Variants in IKBIP observed in about 807,000 individuals in gnomAD.
IKBIP encodes the protein inhibitor of nuclear factor kappa-B kinase-interacting protein.
A neutral mutation model predicts 31.0 loss-of-function variants in IKBIP; 28 were observed. That is an observed-to-expected ratio of 0.90 (90% CI 0.67 to 1.24). The LOEUF (loss-of-function observed/expected upper bound fraction) is 1.24. IKBIP is among the 50% of genes most tolerant of loss of function. IKBIP has a pLI of 0.00. For synonymous variants in IKBIP, 164 were observed against 160.3 expected (o/e 1.02, Z -0.17); for missense variants, 453 against 441.9 (o/e 1.03, Z -0.23).
In IKBIP at chr12:98,635,765, T is replaced by C. The variant is rs539501202; in HGVS notation, c.180-1352A>G. Among the ~76,000 whole-genome samples, 7 of 152,264 alleles carry C rather than the reference T, an allele frequency of 4.6e-5. No individual in the cohort carries two copies. In the East Asian group the frequency reaches 1.4e-3, roughly 29 times the overall value. On this transcript the variant is annotated intron_variant, in intron 1 of 2. Coordinates refer to ENST00000299157, the MANE Select transcript of IKBIP (RefSeq NM_153687.4). Reference sequence around the variant, plus strand: ...AGTAGAAGAGAGAAGTGATAGTAATTAGAAGTTGCAAAATAGCAGGAGGTG... The same window carrying C: ...AGTAGAAGAGAGAAGTGATAGTAATCAGAAGTTGCAAAATAGCAGGAGGTG...
chr12:98,637,413 CTTTT>C (rs1161417356), intron 1 of IKBIP, among the ~76,000 whole-genome samples: 2 of 150,342 alleles, frequency 1.3e-5, no homozygotes, highest in African/African-American at 4.8e-5. Flanking sequence ...ATTTTTCTTT[CTTTT>C]TGTTTTTTTT....
At position 98,618,531 on chromosome 12, in the gene IKBIP, T is replaced by C. The variant is rs926127573; in HGVS notation, c.298-4191A>G. Among the ~76,000 whole-genome samples, 10 of 150,616 alleles carry C rather than the reference T, an allele frequency of 6.6e-5. No homozygotes were observed. The East Asian group carries it at 7.9e-4, about 12-fold the overall frequency. On this transcript the variant is annotated intron_variant, in intron 2 of 2. Transcript: ENST00000342502. ...GTCCCAGCTACTCAGGAGGCTGAAG[T>C]AGGAGAATGGCGTGAACCCGGGAGG...
chr12:98,622,072 CT>C (rs1282148500), downstream of IKBIP, among the ~76,000 whole-genome samples: 1 of 109,514 alleles, frequency 9.1e-6, no homozygotes, highest in African/African-American at 4.2e-5. Flanking sequence ...GAGACTCCAT[CT>C]TAAAAAAAAA....
downstream of IKBIP, chr12:98,624,129 A>T (rs2097612182): frequency 3.6e-6 from 1 of 276,406 alleles, no homozygotes; most frequent in Non-Finnish European, 5.5e-6. Context: ...ATATAAGTTC[A>T]TAATAACCTC....
chr12:98,628,412 G>A (rs1056502382), intron 2 of IKBIP, among the ~76,000 whole-genome samples: 8 of 152,168 alleles, frequency 5.3e-5, no homozygotes, highest in Non-Finnish European at 1.0e-4. Context: ...CAAAACCTTT[G>A]ATGTTTCCTA....
chr12:98,637,908 T>TA (rs1247283527), intron 1 of IKBIP, among the ~76,000 whole-genome samples: 2 of 152,230 alleles, frequency 1.3e-5, no homozygotes, highest in Non-Finnish European at 2.9e-5. Flanking sequence ...TCTGAAAAAC[T>TA]AAGCTTTCAA....
downstream of IKBIP, among the ~76,000 whole-genome samples, chr12:98,619,875 A>G (rs1268366046): frequency 1.2e-5 from 1 of 80,286 alleles, no homozygotes; most frequent in African/African-American, 3.8e-5. Flanking sequence ...CTTTCTCAGA[A>G]AAAAAAAAAA....
chr12:98,619,848 G>C (rs1399752677), downstream of IKBIP, among the ~76,000 whole-genome samples: 1 of 146,176 alleles, frequency 6.8e-6, no homozygotes, highest in African/African-American at 2.5e-5. Context: ...CTCCAGTCTG[G>C]GCGACAGAAC....
chr12:98,624,800 T>TTTAA lies in IKBIP; in HGVS notation c.*1129_*1130insTTAA. 1 of 845,266 alleles carries TTTAA rather than the reference T, an allele frequency of 1.2e-6. No homozygotes were observed. 52.4% of individuals were successfully genotyped at this position (845,266 alleles called of 1,614,324 possible). ...CCCTCAAAACAGGCCACAGGCTTAT[T>TTTAA]TTTATTTATTTATTTATTTATTGAG... On this transcript the variant is annotated 3_prime_UTR_variant, in exon 3 of 3. Transcript: ENST00000299157.
At chr12:98,619,408 C>T (rs780792552), downstream of IKBIP, among the ~76,000 whole-genome samples, 6 of 152,196 alleles carry the variant, frequency 3.9e-5, no homozygotes, top group Non-Finnish European at 7.3e-5. Flanking sequence ...TAGGAAGAAG[C>T]TGTTAGTAAA....
chr12:98,627,259 G>A (rs1172949330), intron 2 of IKBIP, among the ~76,000 whole-genome samples: 1 of 148,304 alleles, frequency 6.7e-6, no homozygotes, highest in East Asian at 2.0e-4. Flanking sequence ...GAGAGCTGCC[G>A]CGCCTGGCCA....
intron 1 of IKBIP, among the ~76,000 whole-genome samples, chr12:98,634,624 T>A (rs1176876936): frequency 6.7e-6 from 1 of 148,770 alleles, no homozygotes; most frequent in Non-Finnish European, 1.5e-5. Flanking sequence ...AGCCTTGAAC[T>A]CCTGGGCTCA....
chr12:98,628,143 C>G (rs1392165845), intron 2 of IKBIP, among the ~76,000 whole-genome samples: 1 of 152,198 alleles, frequency 6.6e-6, no homozygotes, highest in East Asian at 1.9e-4. Context: ...AGACATAATA[C>G]TGAACAAGAT....
At chr12:98,635,911 T>C (rs2097625369) in intron 1 of IKBIP, among the ~76,000 whole-genome samples, 1 of 152,256 alleles carries the variant, frequency 6.6e-6, no homozygotes, top group Admixed American at 6.5e-5. Flanking sequence ...ATAGGTGTAC[T>C]TGAGATGTCA....
At chr12:98,616,904 C>T (rs765295775) in intron 2 of IKBIP, among the ~76,000 whole-genome samples, 1 of 151,984 alleles carries the variant, frequency 6.6e-6, no homozygotes, top group Non-Finnish European at 1.5e-5. Flanking sequence ...ATTTTGAGAT[C>T]GGGTAGTGTG....
intron 1 of IKBIP, among the ~76,000 whole-genome samples, chr12:98,641,427 G>A (rs909621507): frequency 6.6e-6 from 1 of 152,142 alleles, no homozygotes; most frequent in Non-Finnish European, 1.5e-5. Flanking sequence ...ATTCTAGTGA[G>A]CTTTTAAGTA....
At chr12:98,633,846 T>C (rs1182406806) in intron 2 of IKBIP, among the ~76,000 whole-genome samples, 3 of 152,158 alleles carry the variant, frequency 2.0e-5, no homozygotes, top group Admixed American at 6.5e-5. Context: ...TGCATGTACA[T>C]ATATCCTTAA....
Position 98,618,470 on chromosome 12 carries a change from C to CA in IKBIP, c.298-4131dup, listed in dbSNP as rs552443151. On this transcript the variant is annotated intron_variant, in intron 2 of 2. Transcript: ENST00000342502. ...TGAAACCCTGTCTCTACTAAAAATACAAAAAATTAGCCGGGCGTAGTGGTG... is the reference window on the plus strand; with the variant it reads ...TGAAACCCTGTCTCTACTAAAAATACAAAAAAATTAGCCGGGCGTAGTGGTG... Among the ~76,000 whole-genome samples the CA allele has an allele frequency of 2.0e-5, 3 of 151,608 alleles. No individual in the cohort carries two copies. The South Asian group carries it at 6.3e-4, about 32-fold the overall frequency.
At chr12:98,643,915 A>C (rs2097634378) in intron 1 of IKBIP, among the ~76,000 whole-genome samples, 1 of 150,218 alleles carries the variant, frequency 6.7e-6, no homozygotes, top group African/African-American at 2.5e-5. Context: ...TCCCGGGTTC[A>C]AGCGATTCTC....
Sources: allele counts gnomAD v4.1 joint callset (sites outside exome capture counted in the v4.1 genomes callset), GRCh38; gene constraint gnomAD v4.1.1; transcripts MANE v1.5; gene names NCBI Gene and HGNC (gene_info 2026-07-23, HGNC 2026-07-21).